CPQ: variants seen among roughly 807,000 people sequenced by gnomAD.
CPQ encodes the protein carboxypeptidase Q.
CPQ carries 37 observed loss-of-function variants against 45.7 expected under a neutral mutation model. The ratio of observed to expected loss-of-function variants is 0.81; its 90% CI spans 0.62 to 1.07. The LOEUF is 1.07. CPQ is among the 50% of genes least tolerant of loss of function. The probability of loss-of-function intolerance (pLI) is 0.00; values close to 1 mark genes in which losing one functional copy is unlikely to be tolerated. For missense variants in CPQ, 537 were observed against 572.9 expected (o/e 0.94, Z 0.64); for synonymous variants, 186 against 205.8 (o/e 0.90, Z 0.82).
Position 96,851,289 on chromosome 8 carries a change from G to A in CPQ, c.641+16109G>A, listed in dbSNP as rs1359554709. 2.0e-5 allele frequency among the ~76,000 whole-genome samples: 3 copies of A among 152,324 alleles called. No individual in the cohort carries two copies. The East Asian group carries it at 5.8e-4, about 29-fold the overall frequency. On this transcript the variant is annotated intron_variant, in intron 3 of 7. Transcript: ENST00000220763. ...CTCTTTGTAAGGTCATATTCGTAAA[G>A]GTTGCAAAAGAGACCAAACAATGTA...
At chr8:96,678,198 T>C (rs1333306322) in intron 1 of CPQ, among the ~76,000 whole-genome samples, 1 of 152,158 alleles carries the variant, frequency 6.6e-6, no homozygotes, top group Admixed American at 6.6e-5. Context: ...TTTTTTCTAA[T>C]TCTGTGAAGA....
At chr8:97,084,075 C>T (rs574017075) in intron 7 of CPQ, among the ~76,000 whole-genome samples, 1 of 152,194 alleles carries the variant, frequency 6.6e-6, no homozygotes, top group African/African-American at 2.4e-5. Context: ...GCAGTCTACT[C>T]ATAAACTTTT....
intron 2 of CPQ, among the ~76,000 whole-genome samples, chr8:96,822,252 A>G (rs1811318302): frequency 6.6e-6 from 1 of 152,016 alleles, no homozygotes; most frequent in South Asian, 2.1e-4. Flanking sequence ...GTAAGGCCGA[A>G]TAGTAATTCC....
chr8:96,944,883 C>CT (rs1490482154), intron 4 of CPQ, among the ~76,000 whole-genome samples: 2 of 151,930 alleles, frequency 1.3e-5, no homozygotes, highest in African/African-American at 4.8e-5. Flanking sequence ...CCTCGAATTC[C>CT]TTTTTTTATG....
chr8:96,884,383 A>C (rs1812272314), intron 4 of CPQ, among the ~76,000 whole-genome samples: 2 of 152,092 alleles, frequency 1.3e-5, no homozygotes. Flanking sequence ...CTTTGCAATG[A>C]GGCTCAAAGT....
intron 4 of CPQ, among the ~76,000 whole-genome samples, chr8:96,898,287 G>A (rs931170359): frequency 6.6e-6 from 1 of 152,022 alleles, no homozygotes; most frequent in Admixed American, 6.6e-5. Flanking sequence ...AGTTATTTGA[G>A]GATTCAGTGA....
chr8:96,719,542 C>T (rs1013064006), intron 1 of CPQ, among the ~76,000 whole-genome samples: 10 of 152,176 alleles, frequency 6.6e-5, no homozygotes, highest in Admixed American at 1.3e-4. Flanking sequence ...CACAGTGCAG[C>T]GGTGGGCTGA....
rs191385497 is a variant in CPQ, at chr8:96,771,955, C to T, written c.-34-12909C>T. ...ATGGATTCTACACATTCTCTACCCA[C>T]AATGAGTTCACAGTTTAGTGGAAGA... On this transcript the variant is annotated intron_variant, in intron 1 of 7. Coordinates refer to ENST00000220763, the MANE Select transcript of CPQ (RefSeq NM_016134.4). Among the ~76,000 whole-genome samples, 218 of 151,900 alleles carry T rather than the reference C, an allele frequency of 1.4e-3. 4 individuals are homozygous for T. Among genetic ancestry groups the T allele is most frequent in the Admixed American group, 0.011 (169 of 15,230 alleles).
intron 7 of CPQ, among the ~76,000 whole-genome samples, chr8:97,080,907 C>CCCTTCTTTCCTTCCTTCCCT (rs1810936238): frequency 7.2e-6 from 1 of 139,648 alleles, no homozygotes; most frequent in South Asian, 2.4e-4. Context: ...TTAGTACCCA[C>CCCTTCTTTCCTTCCTTCCCT]CCTTCTTTCC....
chr8:96,783,262 T>A (rs956340466), intron 1 of CPQ, among the ~76,000 whole-genome samples: 1 of 149,154 alleles, frequency 6.7e-6, no homozygotes, highest in Admixed American at 6.7e-5. Context: ...GTTGTGTGAG[T>A]GTGTGTGTGT....
intron 7 of CPQ, among the ~76,000 whole-genome samples, chr8:97,137,250 T>C (rs1812075532): frequency 6.6e-6 from 1 of 152,176 alleles, no homozygotes; most frequent in Non-Finnish European, 1.5e-5. Context: ...ATTTCTTGCC[T>C]CTCTTTTTTA....
At chr8:97,031,188 C>CTT (rs36087951) in intron 6 of CPQ, among the ~76,000 whole-genome samples, 3,943 of 130,598 alleles carry the variant, frequency 0.03, 273 homozygotes, top group African/African-American at 0.1. Context: ...AAGAACTATT[C>CTT]TTTTTTTTTT....
intron 7 of CPQ, among the ~76,000 whole-genome samples, chr8:97,108,185 T>C (rs139533501): frequency 2.6e-4 from 39 of 152,352 alleles, no homozygotes; most frequent in African/African-American, 8.7e-4. Context: ...TTTAAGTATA[T>C]AAAGTACTAA....
intron 5 of CPQ, among the ~76,000 whole-genome samples, chr8:96,998,145 CAG>C (rs1439799947): frequency 6.6e-6 from 1 of 151,724 alleles, no homozygotes; most frequent in African/African-American, 2.4e-5. Context: ...ATGATTAAGA[CAG>C]AGAAGACTTG....
At chr8:96,849,844 GA>G (rs886487411) in intron 3 of CPQ, among the ~76,000 whole-genome samples, 50 of 152,238 alleles carry the variant, frequency 3.3e-4, no homozygotes, top group African/African-American at 1.1e-3. Flanking sequence ...ATCATTTTTA[GA>G]ACCCAGATTT....
chr8:97,107,168 A>AT (rs1811418522), intron 7 of CPQ, among the ~76,000 whole-genome samples: 1 of 152,364 alleles, frequency 6.6e-6, no homozygotes, highest in Admixed American at 6.5e-5. Flanking sequence ...GGAGGCCTAT[A>AT]TACAATATTT....
At chr8:96,912,322 G>T (rs1339705250) in intron 4 of CPQ, among the ~76,000 whole-genome samples, 2 of 152,148 alleles carry the variant, frequency 1.3e-5, no homozygotes, top group East Asian at 3.8e-4. Context: ...TCTTTTCACT[G>T]TGAGCAAGGT....
rs113441171 is a variant in CPQ at position 97,045,890 on chromosome 8, C to T, written c.1053+16396C>T. ...AAGCCAATGCCAGAAAGCAGCTCCT[C>T]GCTGGCACATCCACTTTGTACTTTG... On this transcript the variant is annotated intron_variant, in intron 6 of 7. Coordinates refer to ENST00000220763, the MANE Select transcript of CPQ (RefSeq NM_016134.4). Among the ~76,000 whole-genome samples, 204 of 152,298 alleles carry T rather than the reference C, an allele frequency of 1.3e-3. 1 individual carries two copies. The highest frequency in any genetic ancestry group is 2.0e-3 in the Non-Finnish European group (139 of 68,024).
At chr8:96,657,567 C>T (rs779641890) in intron 1 of CPQ, among the ~76,000 whole-genome samples, 3 of 152,174 alleles carry the variant, frequency 2.0e-5, no homozygotes, top group Non-Finnish European at 2.9e-5. Flanking sequence ...GAAGTGAAGC[C>T]AAGTGAAGCC....
Sources: allele counts gnomAD v4.1 joint callset (sites outside exome capture counted in the v4.1 genomes callset), GRCh38; gene constraint gnomAD v4.1.1; transcripts MANE v1.5; gene names NCBI Gene and HGNC (gene_info 2026-07-23, HGNC 2026-07-21).